WLS: variants seen among roughly 807,000 people sequenced by gnomAD.
WLS encodes Wnt ligand secretion mediator, also known as protein wntless homolog.
A neutral mutation model predicts 62.8 loss-of-function variants in WLS; 23 were observed. The ratio of observed to expected loss-of-function variants is 0.37; its 90% CI spans 0.26 to 0.52. WLS has a LOEUF of 0.52. Among genes scored for constraint, WLS ranks in the 20% least tolerant of loss-of-function variants. WLS has a pLI of 0.92. For synonymous variants in WLS, 246 were observed against 244.1 expected (o/e 1.01, Z -0.07); for missense variants, 615 against 697.3 (o/e 0.88, Z 1.33).
At chr1:68,116,617 A>C (rs1646295140) in intron 11 of WLS, among the ~76,000 whole-genome samples, 2 of 152,166 alleles carry the variant, frequency 1.3e-5, no homozygotes, top group Admixed American at 1.3e-4. Context: ...AGTGATTAAA[A>C]TCCTACCTGG....
At chr1:68,105,865 C>T (rs1429117871) in intron 11 of WLS, among the ~76,000 whole-genome samples, 4 of 151,852 alleles carry the variant, frequency 2.6e-5, no homozygotes, top group Non-Finnish European at 4.4e-5. Flanking sequence ...AGAGACATGT[C>T]AGGAGAAAAG....
intron 5 of WLS, 26 bp downstream of exon 5, chr1:68,153,491 A>G: frequency 6.2e-7 from 1 of 1,613,818 alleles, no homozygotes; most frequent in Admixed American, 1.7e-5. Context: ...AGTATTCCTG[A>G]AGAGCGCTCC....
chr1:68,223,166 A>T (rs1416432993), intron 1 of WLS, among the ~76,000 whole-genome samples: 1 of 152,214 alleles, frequency 6.6e-6, no homozygotes, highest in East Asian at 1.9e-4. Context: ...CACTGTATAT[A>T]AAGTAAAAGT....
intron 2 of WLS, among the ~76,000 whole-genome samples, chr1:68,169,374 C>A (rs1368489273): frequency 6.6e-6 from 1 of 152,134 alleles, no homozygotes; most frequent in Non-Finnish European, 1.5e-5. Context: ...ATAAATGAAT[C>A]TGAAGTACCA....
chr1:68,138,927 A>C (rs754678626), intron 10 of WLS, among the ~76,000 whole-genome samples: 11 of 152,218 alleles, frequency 7.2e-5, no homozygotes, highest in Non-Finnish European at 1.3e-4. Context: ...AAATGTTAAG[A>C]ACTTTAACAA....
intron 2 of WLS, among the ~76,000 whole-genome samples, chr1:68,190,423 A>G (rs1010707819): frequency 2.0e-5 from 3 of 152,206 alleles, no homozygotes; most frequent in Non-Finnish European, 4.4e-5. Context: ...TTACTAGTTC[A>G]CTTCTAACCA....
chr1:68,165,203 G>T (rs1236762605), intron 2 of WLS, among the ~76,000 whole-genome samples: 3 of 152,144 alleles, frequency 2.0e-5, no homozygotes, highest in African/African-American at 7.2e-5. Context: ...TTACTCACAG[G>T]TTGTTCTCCT....
chr1:68,187,189 CAAAAAAAAAAAA>C (rs34130992), intron 2 of WLS, among the ~76,000 whole-genome samples: 2 of 57,196 alleles, frequency 3.5e-5, no homozygotes, highest in South Asian at 1.3e-3. Flanking sequence ...ACTCCATCTC[CAAAAAAAAAAAA>C]AAAAAAAAAA....
At chr1:68,174,583 A>ACT in intron 2 of WLS, among the ~76,000 whole-genome samples, 1 of 152,134 alleles carries the variant, frequency 6.6e-6, no homozygotes, top group East Asian at 1.9e-4. Context: ...CTGCGGAAGA[A>ACT]CTCTGCTGCT....
At chr1:68,137,678 G>A (rs1646630337) in intron 11 of WLS, 102 bp downstream of exon 11, 2 of 1,359,444 alleles carry the variant, frequency 1.5e-6, no homozygotes, top group South Asian at 1.6e-5. Flanking sequence ...TACTTGGAGG[G>A]AAAGTTTCAC....
Position 68,126,151 on chromosome 1 carries a change from TCTCTGGCATGCTCCCCA to T in WLS, c.*58_*74del, listed in dbSNP as rs1646426682. On this transcript the variant is annotated 3_prime_UTR_variant, in exon 12 of 12. Transcript: ENST00000262348. The stretch of plus-strand genomic sequence containing the variant: ...AGGCATTCATTTGTACATTGAGCTC[TCTCTGGCATGCTCCCCA>T]CTCTAGTTAGAGGGGCTGGGGTATG... The T allele has an allele frequency of 6.3e-7, 1 of 1,578,812 alleles. No homozygotes were observed. The highest frequency in any genetic ancestry group is 8.6e-7 in the Non-Finnish European group (1 of 1,162,630).
At chr1:68,124,000 G>A (rs1162560799), downstream of WLS, among the ~76,000 whole-genome samples, 2 of 152,050 alleles carry the variant, frequency 1.3e-5, no homozygotes, top group Admixed American at 6.5e-5. Flanking sequence ...TTTAAGTAGT[G>A]AATCCACTGA....
intron 2 of WLS, chr1:68,162,193 G>C: frequency 3.5e-6 from 5 of 1,431,226 alleles, no homozygotes; most frequent in Non-Finnish European, 4.9e-6. Context: ...AAAGGGCTCC[G>C]ACTCACGCAC....
At chr1:68,191,601 T>C (rs887683176) in intron 2 of WLS, among the ~76,000 whole-genome samples, 2 of 152,182 alleles carry the variant, frequency 1.3e-5, no homozygotes, top group African/African-American at 4.8e-5. Context: ...CGTGTGATCT[T>C]ATATCCCCAG....
intron 11 of WLS, among the ~76,000 whole-genome samples, chr1:68,136,056 G>C (rs1162976715): frequency 6.6e-6 from 1 of 152,202 alleles, no homozygotes; most frequent in African/African-American, 2.4e-5. Context: ...AAGAGGTCAA[G>C]GGGTGAGGGA....
In WLS at chr1:68,153,508, A is replaced by C. The variant is rs371930459; in HGVS notation, c.803+9T>G. 5.6e-6 allele frequency: 9 copies of C among 1,614,028 alleles called. No homozygotes were observed. Among genetic ancestry groups the C allele is most frequent in the Non-Finnish European group, 7.6e-6 (9 of 1,179,988 alleles). ...TATTCCTGAAGAGCGCTCCAAAACCAGCTCTTACTTTTCCAGAAGCACTGG... is the reference window on the plus strand; with the variant it reads ...TATTCCTGAAGAGCGCTCCAAAACCCGCTCTTACTTTTCCAGAAGCACTGG... On this transcript the variant is annotated intron_variant, in intron 5 of 11. Transcript: ENST00000262348.
chr1:68,209,751 A>C (rs1194246916), intron 1 of WLS, among the ~76,000 whole-genome samples: 4 of 152,130 alleles, frequency 2.6e-5, no homozygotes, highest in African/African-American at 7.2e-5. Context: ...ATTGCGCTCC[A>C]GCCTGGGCAA....
intron 2 of WLS, among the ~76,000 whole-genome samples, chr1:68,193,554 G>T (rs776194385): frequency 2.0e-5 from 3 of 148,776 alleles, no homozygotes; most frequent in Admixed American, 6.8e-5. Context: ...AGTGGAAAAA[G>T]ACATTTAAAA....
chr1:68,106,787 A>C lies in WLS; in HGVS notation c.1511-8034T>G, dbSNP rs60945573. Among the ~76,000 whole-genome samples the C allele has an allele frequency of 3.9e-3, 596 of 151,862 alleles. 2 individuals carry two copies. Among genetic ancestry groups the C allele is most frequent in the African/African-American group, 0.013 (520 of 41,366 alleles). Reference sequence around the variant, plus strand: ...AGGTGGGTGGGTGAGTATAGAGGCTACTGGTATGCAGTGTCCAGGACAAGA... The same window carrying C: ...AGGTGGGTGGGTGAGTATAGAGGCTCCTGGTATGCAGTGTCCAGGACAAGA... On this transcript the variant is annotated intron_variant, in intron 11 of 11. Coordinates refer to the WLS transcript ENST00000354777.
Sources: gnomAD v4.1 joint callset for allele counts (sites outside exome capture counted in the v4.1 genomes callset) on GRCh38, gnomAD v4.1.1 for gene constraint, MANE v1.5 for transcripts, NCBI Gene and HGNC (gene_info 2026-07-23, HGNC 2026-07-21) for gene names.